Variants in CGGBP1 observed in about 807,000 individuals in gnomAD.
The protein encoded by CGGBP1 is CGG triplet repeat-binding protein 1.
CGGBP1 carries 4 observed loss-of-function variants against 11.4 expected under a neutral mutation model. That is an observed-to-expected ratio of 0.35 (90% CI 0.17 to 0.80). The LOEUF is 0.80. CGGBP1 is among the 30% of genes least tolerant of loss of function. The pLI, the probability that CGGBP1 is intolerant of heterozygous loss-of-function variation, is 0.52. For missense variants in CGGBP1, 135 were observed against 202.1 expected (o/e 0.67, Z 2.01); for synonymous variants, 76 against 74.1 (o/e 1.03, Z -0.13).
rs543094963 is a variant in CGGBP1, at chr3:88,091,399, T to C, written c.-228-33176A>G. Among the ~76,000 whole-genome samples, 11 of 152,350 alleles carry C rather than the reference T, an allele frequency of 7.2e-5. No individual in the cohort carries two copies. The East Asian group carries it at 1.5e-3, about 21-fold the overall frequency. On this transcript the variant is annotated intron_variant, in intron 2 of 3. Coordinates refer to the CGGBP1 transcript ENST00000462901. ...TCTCTACTGATTTTTGAGGAAAATA[T>C]GTATTAAAATAAATTATTCGTAAGG...
At chr3:88,149,191 G>A (rs1222648172) in intron 1 of CGGBP1, among the ~76,000 whole-genome samples, 1 of 152,148 alleles carries the variant, frequency 6.6e-6, no homozygotes, top group Non-Finnish European at 1.5e-5. Context: ...TCTTTAGTAA[G>A]AGCCCCATGC....
At chr3:88,070,712 T>G (rs1301514073) in intron 2 of CGGBP1, among the ~76,000 whole-genome samples, 1 of 151,988 alleles carries the variant, frequency 6.6e-6, no homozygotes, top group Admixed American at 6.6e-5. Flanking sequence ...TTTTGGCCCC[T>G]TAAGAAAAAA....
intron 1 of CGGBP1, among the ~76,000 whole-genome samples, chr3:88,148,250 T>C (rs1418560169): frequency 6.6e-6 from 1 of 152,252 alleles, no homozygotes. Context: ...ATGTTTACTG[T>C]CTATTTCCTC....
At chr3:88,093,079 CAG>C (rs762961496) in intron 2 of CGGBP1, among the ~76,000 whole-genome samples, 9 of 152,094 alleles carry the variant, frequency 5.9e-5, no homozygotes, top group Non-Finnish European at 1.0e-4. Flanking sequence ...TCTGAAGAAA[CAG>C]AGATTTTGCT....
intron 2 of CGGBP1, among the ~76,000 whole-genome samples, chr3:88,118,538 T>C (rs1308264174): frequency 6.6e-6 from 1 of 152,106 alleles, no homozygotes; most frequent in Non-Finnish European, 1.5e-5. Flanking sequence ...ATGAAGACGT[T>C]TAGAACTACT....
chr3:88,089,490 T>TA (rs11425740), intron 2 of CGGBP1, among the ~76,000 whole-genome samples: 114,309 of 147,654 alleles, frequency 0.77, 44,913 homozygotes, highest in South Asian at 0.9. Context: ...AAACTCTGTT[T>TA]AAAAAAAAAA....
At chr3:88,128,908 A>C (rs1706274346) in intron 2 of CGGBP1, 1 of 1,535,568 alleles carries the variant, frequency 6.5e-7, no homozygotes, top group South Asian at 1.2e-5. Flanking sequence ...GCTCTTATTA[A>C]ATCTTGTATA....
At chr3:88,109,621 C>CT (rs1348471233) in intron 2 of CGGBP1, among the ~76,000 whole-genome samples, 3 of 152,050 alleles carry the variant, frequency 2.0e-5, no homozygotes, top group African/African-American at 7.2e-5. Context: ...TAGCAGAAGT[C>CT]TAAGAGTTTG....
chr3:88,109,447 C>A (rs775280572), intron 2 of CGGBP1, among the ~76,000 whole-genome samples: 2 of 152,002 alleles, frequency 1.3e-5, no homozygotes, highest in Admixed American at 6.6e-5. Flanking sequence ...ATAGAGTAGA[C>A]CTAATTTTCC....
chr3:88,120,567 CA>C (rs1164114025), intron 2 of CGGBP1, among the ~76,000 whole-genome samples: 2 of 152,056 alleles, frequency 1.3e-5, no homozygotes, highest in Non-Finnish European at 2.9e-5. Context: ...CAATAGAAGA[CA>C]AACATGAGTT....
intron 2 of CGGBP1, among the ~76,000 whole-genome samples, chr3:88,130,857 C>CTAGGGGTTA (rs954547476): frequency 6.6e-6 from 1 of 151,810 alleles, no homozygotes; most frequent in Admixed American, 6.6e-5. Flanking sequence ...AATTTGTTTT[C>CTAGGGGTTA]TAGGGGTTAC....
intron 2 of CGGBP1, among the ~76,000 whole-genome samples, chr3:88,106,451 C>A (rs1312101160): frequency 6.6e-6 from 1 of 152,058 alleles, no homozygotes; most frequent in Admixed American, 6.6e-5. Context: ...AGTTCTCCTG[C>A]CTCAGCCTCA....
chr3:88,100,651 C>T (rs1157291741), intron 2 of CGGBP1, among the ~76,000 whole-genome samples: 1 of 152,144 alleles, frequency 6.6e-6, no homozygotes, highest in Non-Finnish European at 1.5e-5. Context: ...GAGTTCATGT[C>T]CTTTGTAGGG....
At chr3:88,059,651 T>G, upstream of CGGBP1, 2 of 1,011,100 alleles carry the variant, frequency 2.0e-6, no homozygotes, top group Non-Finnish European at 2.5e-6. Context: ...CCTCCTCCAC[T>G]TATCCGGCTT....
At position 88,119,561 on chromosome 3, in the gene CGGBP1, A is replaced by C. The variant is rs74898190; in HGVS notation, c.-229+21409T>G. The stretch of plus-strand genomic sequence containing the variant: ...TATAATAATAAATTAAAAAAAAAAA[A>C]ACAATAATTATTGGAGACTAACTAG... On this transcript the variant is annotated intron_variant, in intron 2 of 3. Coordinates refer to the CGGBP1 transcript ENST00000462901. Among the ~76,000 whole-genome samples the C allele has an allele frequency of 3.0e-3, 462 of 152,082 alleles. 4 individuals carry two copies. Among genetic ancestry groups the C allele is most frequent in the African/African-American group, 0.011 (441 of 41,474 alleles).
intron 2 of CGGBP1, among the ~76,000 whole-genome samples, chr3:88,090,740 C>T (rs1225371336): frequency 5.3e-5 from 8 of 152,124 alleles, no homozygotes; most frequent in Admixed American, 5.2e-4. Flanking sequence ...TACACATAAA[C>T]AGCTTTTATC....
At chr3:88,066,613 T>C (rs1369079494) in intron 2 of CGGBP1, among the ~76,000 whole-genome samples, 1 of 152,016 alleles carries the variant, frequency 6.6e-6, no homozygotes, top group Non-Finnish European at 1.5e-5. Context: ...TTTAATTTTG[T>C]AGATAAAATG....
intron 2 of CGGBP1, among the ~76,000 whole-genome samples, chr3:88,068,221 AT>A (rs1001932793): frequency 2.0e-5 from 3 of 152,012 alleles, no homozygotes; most frequent in African/African-American, 7.2e-5. Flanking sequence ...ATCAGTGCTT[AT>A]TTGTCTCGGT....
intron 2 of CGGBP1, among the ~76,000 whole-genome samples, chr3:88,099,162 A>G (rs1358998209): frequency 1.3e-5 from 2 of 152,202 alleles, no homozygotes; most frequent in Non-Finnish European, 2.9e-5. Context: ...TCAATGTGCA[A>G]AAATCACAAG....
Sources: allele counts gnomAD v4.1 joint callset (sites outside exome capture counted in the v4.1 genomes callset), GRCh38; gene constraint gnomAD v4.1.1; transcripts MANE v1.5; gene names NCBI Gene and HGNC (gene_info 2026-07-23, HGNC 2026-07-21).